Variants in GNB1 observed in about 807,000 individuals in gnomAD.
GNB1 encodes the protein guanine nucleotide-binding protein G(I)/G(S)/G(T) subunit beta-1.
GNB1 carries 2 observed loss-of-function variants against 42.9 expected under a neutral mutation model. The observed-to-expected ratio is 0.05, with a 90% CI of 0.02 to 0.15. GNB1 has a LOEUF of 0.15. Among genes scored for constraint, GNB1 ranks in the 10% least tolerant of loss-of-function variants. The pLI, the probability that GNB1 is intolerant of heterozygous loss-of-function variation, is 1.00. For synonymous variants in GNB1, 183 were observed against 174.7 expected (o/e 1.05, Z -0.38); for missense variants, 193 against 462.2 (o/e 0.42, Z 5.34).
At chr1:1,876,492 C>CGAGAGAGG (rs1649550149) in intron 1 of GNB1, among the ~76,000 whole-genome samples, 1 of 147,832 alleles carries the variant, frequency 6.8e-6, no homozygotes, top group African/African-American at 2.5e-5. Context: ...CATGTGCACA[C>CGAGAGAGG]GAGAGAGAGA....
At position 1,788,667 on chromosome 1, in the gene GNB1, C is replaced by T. The variant is rs567739887; in HGVS notation, c.916+386G>A. ...TAGTAAGGAAGTCTCATCTTTTGTA[C>T]ACCTGGCAATAACACGCTTGCCTTT... On this transcript the variant is annotated intron_variant, in intron 10 of 11. Coordinates refer to ENST00000378609, the MANE Select transcript of GNB1 (RefSeq NM_002074.5). 5 of 192,510 alleles carry T rather than the reference C, an allele frequency of 2.6e-5. No homozygotes were observed. In the South Asian group the frequency reaches 4.4e-4, roughly 17 times the overall value. The allele number at this position is 192,510 out of a possible 1,614,324, so 11.9% of individuals were successfully genotyped here.
intron 1 of GNB1, among the ~76,000 whole-genome samples, chr1:1,856,171 G>GC (rs761077470): frequency 1.2e-4 from 18 of 152,128 alleles, no homozygotes; most frequent in Non-Finnish European, 1.9e-4. Flanking sequence ...AAAGGCATGT[G>GC]CCATCACACC....
intron 1 of GNB1, among the ~76,000 whole-genome samples, chr1:1,842,544 C>T (rs977603808): frequency 7.9e-5 from 12 of 152,196 alleles, no homozygotes; most frequent in African/African-American, 1.9e-4. Flanking sequence ...TATATACAAC[C>T]CCATTTACAT....
At chr1:1,807,290 G>A (rs891145083) in intron 5 of GNB1, among the ~76,000 whole-genome samples, 8 of 150,894 alleles carry the variant, frequency 5.3e-5, no homozygotes, top group African/African-American at 1.5e-4. Context: ...GTAAAATCCC[G>A]TCTCCACTAC....
chr1:1,805,326 G>C (rs1406036936), intron 6 of GNB1, among the ~76,000 whole-genome samples: 3 of 151,144 alleles, frequency 2.0e-5, no homozygotes, highest in African/African-American at 7.3e-5. Flanking sequence ...TGGGTGTGGT[G>C]GTGGGCGCCT....
chr1:1,862,940 C>T (rs1024430093), intron 1 of GNB1, among the ~76,000 whole-genome samples: 3 of 152,182 alleles, frequency 2.0e-5, no homozygotes, highest in African/African-American at 7.2e-5. Context: ...ACACAAATAA[C>T]TGCCATACAC....
At chr1:1,869,515 C>A (rs1275030646) in intron 1 of GNB1, among the ~76,000 whole-genome samples, 1 of 152,174 alleles carries the variant, frequency 6.6e-6, no homozygotes, top group Non-Finnish European at 1.5e-5. Flanking sequence ...GGAACTGGAG[C>A]TTTTCCTACT....
chr1:1,806,251 A>G (rs557812266), intron 6 of GNB1, among the ~76,000 whole-genome samples: 28 of 152,272 alleles, frequency 1.8e-4, no homozygotes, highest in African/African-American at 6.3e-4. Context: ...TGGTAAGGAG[A>G]TGACGGACAA....
intron 5 of GNB1, among the ~76,000 whole-genome samples, chr1:1,810,971 C>T (rs148109781): frequency 2.6e-5 from 4 of 151,424 alleles, no homozygotes; most frequent in African/African-American, 4.9e-5. Context: ...CCTGGCCTCT[C>T]ATGTAGCTTT....
At chr1:1,825,052 T>C (rs892202465) in intron 3 of GNB1, 11 of 199,904 alleles carry the variant, frequency 5.5e-5, no homozygotes, top group Non-Finnish European at 1.0e-4. Flanking sequence ...CTGCTGTCAA[T>C]AGTCCCAATA....
In GNB1 at chr1:1,793,253, G is replaced by A. The variant is rs1373042068; in HGVS notation, c.489C>T (p.Asp163=). 6 of 1,611,304 alleles carry A rather than the reference G, an allele frequency of 3.7e-6. No individual in the cohort carries two copies. Among genetic ancestry groups the A allele is most frequent in the Admixed American group, 1.7e-5 (1 of 59,944 alleles). Residue 163 remains aspartate (D), a synonymous_variant, in exon 8 of 12, where the codon GAC becomes GAT. Transcript: ENST00000378609. The stretch of plus-strand genomic sequence containing the variant: ...CCGGGTCAGGTACTTACCACGTGGT[G>A]TCTCCAGAGCTGGTGACGATCTGAT... ...DDNQIVTSSG[D]TTCALWDIET...
At chr1:1,839,030 A>G (rs934118735) in intron 2 of GNB1, among the ~76,000 whole-genome samples, 160 bp downstream of exon 2, 14 of 152,206 alleles carry the variant, frequency 9.2e-5, no homozygotes. Flanking sequence ...CTGAGGTGAG[A>G]GAACCCCTTG....
chr1:1,877,617 CATG>C (rs1649622454), intron 1 of GNB1, among the ~76,000 whole-genome samples: 1 of 152,106 alleles, frequency 6.6e-6, no homozygotes, highest in Non-Finnish European at 1.5e-5. Flanking sequence ...AGATTACAGG[CATG>C]AGCCACCATG....
chr1:1,860,340 C>G (rs1447464315), intron 1 of GNB1, among the ~76,000 whole-genome samples: 1 of 151,984 alleles, frequency 6.6e-6, no homozygotes, highest in East Asian at 1.9e-4. Context: ...ATGCTTAGTA[C>G]CTGGGTGATG....
chr1:1,819,464 G>A lies in GNB1; in HGVS notation c.58-1589C>T, dbSNP rs535889911. Among the ~76,000 whole-genome samples, 30 of 151,902 alleles carry A rather than the reference G, an allele frequency of 2.0e-4. No homozygotes were observed. The South Asian group carries it at 3.5e-3, about 18-fold the overall frequency. ...TAGAACTCCTGACCTCAGGTGATCCGCTCATCTCAGCCTCCCAAAGTGCTG... is the reference window on the plus strand; with the variant it reads ...TAGAACTCCTGACCTCAGGTGATCCACTCATCTCAGCCTCCCAAAGTGCTG... On this transcript the variant is annotated intron_variant, in intron 3 of 11. Coordinates refer to ENST00000378609, the MANE Select transcript of GNB1 (RefSeq NM_002074.5).
intron 5 of GNB1, among the ~76,000 whole-genome samples, chr1:1,813,607 C>T (rs998829346): frequency 2.6e-5 from 4 of 152,230 alleles, no homozygotes; most frequent in South Asian, 2.1e-4. Flanking sequence ...CCTCCCACCT[C>T]GGCCTCCTAA....
At chr1:1,868,553 C>G (rs536890407) in intron 1 of GNB1, among the ~76,000 whole-genome samples, 2 of 152,138 alleles carry the variant, frequency 1.3e-5, no homozygotes, top group East Asian at 3.9e-4. Flanking sequence ...GAGGCCGAGG[C>G]AGGTGAATCA....
chr1:1,850,909 G>A (rs1167121036), intron 1 of GNB1, among the ~76,000 whole-genome samples: 1 of 152,222 alleles, frequency 6.6e-6, no homozygotes, highest in Non-Finnish European at 1.5e-5. Flanking sequence ...CTTCAGTTGG[G>A]TTTGGATTTT....
intron 2 of GNB1, among the ~76,000 whole-genome samples, chr1:1,829,027 T>C (rs1325457858): frequency 6.6e-6 from 1 of 152,126 alleles, no homozygotes; most frequent in Non-Finnish European, 1.5e-5. Context: ...AAAATTACAT[T>C]CTCTAGTCTC....
Sources: allele counts gnomAD v4.1 joint callset (sites outside exome capture counted in the v4.1 genomes callset), GRCh38; gene constraint gnomAD v4.1.1; transcripts MANE v1.5; gene names NCBI Gene and HGNC (gene_info 2026-07-23, HGNC 2026-07-21).